ROBO1: variants seen among roughly 807,000 people sequenced by gnomAD.
The protein encoded by ROBO1 is roundabout guidance receptor 1.
ROBO1 carries 149 observed loss-of-function variants against 195.9 expected under a neutral mutation model. That is an observed-to-expected ratio of 0.76 (90% CI 0.67 to 0.87). The LOEUF (loss-of-function observed/expected upper bound fraction) is 0.87. Ranked by LOEUF, ROBO1 falls within the 40% of genes least tolerant of loss-of-function variation. ROBO1 has a pLI of 0.00. For missense variants in ROBO1, 1,933 were observed against 2,068.3 expected, an observed-to-expected ratio of 0.93 and a Z score of 1.27; for synonymous variants, 816 against 733.2, an observed-to-expected ratio of 1.11 and a Z score of -1.82.
At chr3:79,006,321 C>T (rs1460456424) in intron 3 of ROBO1, among the ~76,000 whole-genome samples, 1 of 151,954 alleles carries the variant, frequency 6.6e-6, no homozygotes, top group African/African-American at 2.4e-5. Flanking sequence ...AACTAGTAAC[C>T]ATACAAAGAA....
At chr3:78,664,374 G>C (rs1397720465) in intron 14 of ROBO1, among the ~76,000 whole-genome samples, 1 of 152,092 alleles carries the variant, frequency 6.6e-6, no homozygotes, top group Non-Finnish European at 1.5e-5. Flanking sequence ...TATCTGTATA[G>C]ATTCTTTTAA....
chr3:79,601,601 A>G (rs532377939), intron 1 of ROBO1, among the ~76,000 whole-genome samples: 15 of 152,128 alleles, frequency 9.9e-5, no homozygotes, highest in African/African-American at 3.6e-4. Flanking sequence ...CAACTGAACT[A>G]ATATACTTGC....
At chr3:79,091,868 A>G (rs2079485435) in intron 3 of ROBO1, among the ~76,000 whole-genome samples, 1 of 152,122 alleles carries the variant, frequency 6.6e-6, no homozygotes, top group East Asian at 1.9e-4. Context: ...GGTAAAAATA[A>G]TAGTAGAAGA....
chr3:78,913,777 C>G (rs1389184908), intron 4 of ROBO1, among the ~76,000 whole-genome samples: 2 of 152,038 alleles, frequency 1.3e-5, no homozygotes, highest in East Asian at 3.8e-4. Flanking sequence ...AAACACATTA[C>G]AAAAGCTTTC....
At chr3:79,616,134 C>T (rs1294412019) in intron 1 of ROBO1, among the ~76,000 whole-genome samples, 1 of 152,164 alleles carries the variant, frequency 6.6e-6, no homozygotes, top group African/African-American at 2.4e-5. Context: ...TTGGGAACTT[C>T]TGAAGAGCAG....
intron 2 of ROBO1, among the ~76,000 whole-genome samples, chr3:79,211,820 C>A (rs1356743242): frequency 6.6e-6 from 1 of 152,102 alleles, no homozygotes; most frequent in Non-Finnish European, 1.5e-5. Context: ...CCTAGCTGCG[C>A]TGGAGGAATT....
intron 2 of ROBO1, among the ~76,000 whole-genome samples, chr3:79,278,622 A>G (rs934992406): frequency 1.3e-5 from 2 of 152,192 alleles, no homozygotes; most frequent in Admixed American, 6.5e-5. Context: ...TTTGCTGGGA[A>G]AACTGAACAT....
chr3:79,605,926 T>G (rs534172138), intron 1 of ROBO1, among the ~76,000 whole-genome samples: 56 of 151,860 alleles, frequency 3.7e-4, no homozygotes, highest in Non-Finnish European at 6.9e-4. Context: ...ACACGCTCAG[T>G]GTAATATGTA....
At chr3:78,991,694 T>G (rs577620764) in intron 3 of ROBO1, among the ~76,000 whole-genome samples, 1 of 152,298 alleles carries the variant, frequency 6.6e-6, no homozygotes, top group South Asian at 2.1e-4. Context: ...TAAGTGATAA[T>G]TCCACATGGG....
At chr3:78,849,667 C>G (rs960684663) in intron 4 of ROBO1, among the ~76,000 whole-genome samples, 1 of 151,704 alleles carries the variant, frequency 6.6e-6, no homozygotes, top group Non-Finnish European at 1.5e-5. Flanking sequence ...AGCTATGGTA[C>G]ATAAGATGTA....
At chr3:79,323,793 C>G (rs1448536928) in intron 2 of ROBO1, among the ~76,000 whole-genome samples, 1 of 152,140 alleles carries the variant, frequency 6.6e-6, no homozygotes, top group Non-Finnish European at 1.5e-5. Flanking sequence ...CCAGGTGTAA[C>G]TACAGTAGCC....
chr3:78,769,048 G>A (rs749800010), intron 4 of ROBO1, among the ~76,000 whole-genome samples: 1 of 152,070 alleles, frequency 6.6e-6, no homozygotes, highest in South Asian at 2.1e-4. Flanking sequence ...GTTGTTGGAT[G>A]AGATGTTCTG....
intron 2 of ROBO1, among the ~76,000 whole-genome samples, chr3:79,347,510 T>C (rs1252813933): frequency 6.6e-6 from 1 of 152,202 alleles, no homozygotes; most frequent in Non-Finnish European, 1.5e-5. Flanking sequence ...TGCCTATTTG[T>C]CACTAAATTA....
chr3:79,019,306 G>C lies in ROBO1; in HGVS notation c.173-80379C>G, dbSNP rs905450670. 16 of 985,860 alleles carry C rather than the reference G, an allele frequency of 1.6e-5. No individual in the cohort carries two copies. In the African/African-American group the frequency reaches 2.8e-4, roughly 17 times the overall value. The allele number at this position is 985,860 out of a possible 1,614,324, so 61.1% of individuals were successfully genotyped here. ...ACCCCTGGCTCGTGGAAGCTGTAAA[G>C]AGGCAGCTCCCGGCTCTCCCCGGGG... On this transcript the variant is annotated intron_variant, in intron 3 of 30. Coordinates refer to ENST00000464233, the MANE Select transcript of ROBO1 (RefSeq NM_002941.4).
chr3:79,512,424 A>G lies in ROBO1; in HGVS notation c.88+77400T>C, dbSNP rs114949765. ...TATTTATTTTGGTTTACAATTTGCA[A>G]AGGATCTTACATACAGTAACTAATT... On this transcript the variant is annotated intron_variant, in intron 2 of 30. Transcript: ENST00000464233. Among the ~76,000 whole-genome samples, 1,392 of 152,274 alleles carry G rather than the reference A, an allele frequency of 9.1e-3. 17 individuals are homozygous for G. Among genetic ancestry groups the G allele is most frequent in the African/African-American group, 0.031 (1,298 of 41,560 alleles).
At chr3:79,537,972 G>C (rs1941935029) in intron 2 of ROBO1, among the ~76,000 whole-genome samples, 1 of 152,068 alleles carries the variant, frequency 6.6e-6, no homozygotes, top group South Asian at 2.1e-4. Flanking sequence ...TTGCAAAAAT[G>C]TTTTAAGAAA....
At chr3:79,459,398 T>C (rs1392987416) in intron 2 of ROBO1, among the ~76,000 whole-genome samples, 1 of 152,144 alleles carries the variant, frequency 6.6e-6, no homozygotes, top group Non-Finnish European at 1.5e-5. Context: ...TCATTTGTAT[T>C]TGCATGTAAT....
At chr3:79,227,918 C>T (rs977934789) in intron 2 of ROBO1, among the ~76,000 whole-genome samples, 6 of 151,922 alleles carry the variant, frequency 3.9e-5, no homozygotes, top group Admixed American at 2.6e-4. Context: ...AATGGGAAAC[C>T]GGAAATGTCA....
chr3:79,407,602 T>A (rs993935294), intron 2 of ROBO1, among the ~76,000 whole-genome samples: 1 of 152,132 alleles, frequency 6.6e-6, no homozygotes, highest in African/African-American at 2.4e-5. Flanking sequence ...TTAATAGGTG[T>A]TATTTTAGTG....
Sources: allele counts gnomAD v4.1 joint callset (sites outside exome capture counted in the v4.1 genomes callset), GRCh38; gene constraint gnomAD v4.1.1; transcripts MANE v1.5; gene names NCBI Gene and HGNC (gene_info 2026-07-23, HGNC 2026-07-21).